DLC1: variants seen among roughly 807,000 people sequenced by gnomAD.
DLC1 encodes the protein DLC1 Rho GTPase activating protein.
In DLC1, 54 loss-of-function variants were observed where a neutral mutation model predicts 140.3. The observed-to-expected ratio is 0.38, with a 90% CI of 0.31 to 0.48. DLC1 has a LOEUF of 0.48. DLC1 is among the 20% of genes least tolerant of loss of function. The pLI, the probability that DLC1 is intolerant of heterozygous loss-of-function variation, is 0.96. For missense variants in DLC1, 2,536 were observed against 1,907.0 expected (o/e 1.33, Z -6.14); for synonymous variants, 986 against 728.1 (o/e 1.35, Z -5.70).
At chr8:13,601,928 A>T (rs1221358912) in intron 1 of DLC1, among the ~76,000 whole-genome samples, 1 of 151,812 alleles carries the variant, frequency 6.6e-6, no homozygotes, top group Non-Finnish European at 1.5e-5. Flanking sequence ...TATTTTTCAG[A>T]ATTAATTCTA....
chr8:13,270,256 C>T (rs370225858), intron 5 of DLC1, among the ~76,000 whole-genome samples: 13 of 152,116 alleles, frequency 8.5e-5, no homozygotes, highest in Non-Finnish European at 1.5e-4. Flanking sequence ...TTGGACATAT[C>T]TAGGTATTGT....
chr8:13,168,128 T>TC (rs1341839335), intron 5 of DLC1, among the ~76,000 whole-genome samples: 1 of 152,224 alleles, frequency 6.6e-6, no homozygotes, highest in African/African-American at 2.4e-5. Flanking sequence ...GTACTTGTTC[T>TC]CCATTTCTTA....
intron 4 of DLC1, among the ~76,000 whole-genome samples, chr8:13,384,051 GGAGTGGTTTGTTCAGGCAAGGTCTTTCAT>G (rs1352415770): frequency 2.0e-5 from 3 of 152,184 alleles, no homozygotes; most frequent in African/African-American, 7.2e-5. Context: ...CAGGAATTCA[GGAGTGGTTTGTTCAGGCAAGGTCTTTCAT>G]GAGGTTGCGT....
At chr8:13,240,844 G>T (rs1471580847) in intron 5 of DLC1, among the ~76,000 whole-genome samples, 1 of 152,184 alleles carries the variant, frequency 6.6e-6, no homozygotes, top group Non-Finnish European at 1.5e-5. Context: ...TGCTCCAAAT[G>T]AGGAAAATAT....
chr8:13,332,227 G>A (rs887715512), intron 4 of DLC1, among the ~76,000 whole-genome samples: 4 of 152,052 alleles, frequency 2.6e-5, no homozygotes, highest in Middle Eastern at 3.2e-3. Context: ...TCCTGCCTTA[G>A]CGAATAAAGC....
intron 5 of DLC1, among the ~76,000 whole-genome samples, chr8:13,221,597 C>G (rs1301177938): frequency 1.3e-5 from 2 of 150,574 alleles, no homozygotes; most frequent in African/African-American, 4.9e-5. Context: ...TCTTGAACCC[C>G]TGACCTCAAG....
chr8:13,453,126 T>A (rs1335148640), intron 2 of DLC1, among the ~76,000 whole-genome samples: 3 of 151,470 alleles, frequency 2.0e-5, no homozygotes, highest in Middle Eastern at 3.2e-3. Flanking sequence ...TCTTCAGCAT[T>A]TTCATCAGGA....
intron 5 of DLC1, among the ~76,000 whole-genome samples, chr8:13,239,528 G>T (rs1829452560): frequency 6.6e-6 from 1 of 152,172 alleles, no homozygotes; most frequent in African/African-American, 2.4e-5. Context: ...ATCTGCGGCT[G>T]TGATCAGCTT....
intron 5 of DLC1, among the ~76,000 whole-genome samples, chr8:13,277,343 T>A (rs1377464166): frequency 6.6e-6 from 1 of 152,168 alleles, no homozygotes; most frequent in East Asian, 1.9e-4. Context: ...AATGGACACC[T>A]GAGTTTTAAA....
At chr8:13,218,767 G>A (rs1281264411) in intron 5 of DLC1, among the ~76,000 whole-genome samples, 3 of 113,288 alleles carry the variant, frequency 2.6e-5, no homozygotes, top group African/African-American at 1.1e-4. Flanking sequence ...TTCTATTCAT[G>A]TTTATATATT....
intron 2 of DLC1, among the ~76,000 whole-genome samples, chr8:13,420,436 A>T (rs1838262810): frequency 1.3e-5 from 2 of 152,124 alleles, no homozygotes; most frequent in African/African-American, 4.8e-5. Context: ...TACATGTGCA[A>T]ACTTGCAGGT....
intron 1 of DLC1, among the ~76,000 whole-genome samples, chr8:13,593,119 C>G (rs555852294): frequency 6.6e-6 from 1 of 152,230 alleles, no homozygotes; most frequent in Admixed American, 6.5e-5. Flanking sequence ...CCTCACCCCA[C>G]CCAATCTATG....
In DLC1 at chr8:13,099,804, C is replaced by T. The variant is rs1266141965; in HGVS notation, c.2533G>A (p.Gly845Ser). ...SVNWRTGSFH[G>S]PGHISLRREN... ...CTCCTGAGGCTGATGTGGCCAGGGC[C>T]GTGGAAGCTTCCCGTCCTCCAGTTC... The change falls in exon 9 of 18, where the codon GGC becomes AGC. Residue 845 changes from glycine (G) to serine (S), a missense_variant. By Grantham distance (56) the Gly-to-Ser change is moderately conservative. Coordinates refer to ENST00000276297, the MANE Select transcript of DLC1 (RefSeq NM_182643.3). 1 of 1,614,128 alleles carries T rather than the reference C, an allele frequency of 6.2e-7. No individual in the cohort carries two copies. Among genetic ancestry groups the T allele is most frequent in the South Asian group, 1.1e-5 (1 of 91,070 alleles).
intron 5 of DLC1, among the ~76,000 whole-genome samples, chr8:13,212,075 A>G (rs1827973524): frequency 6.6e-6 from 1 of 152,208 alleles, no homozygotes; most frequent in Non-Finnish European, 1.5e-5. Flanking sequence ...ATGAACATTG[A>G]CCCAGTTTCA....
intron 4 of DLC1, among the ~76,000 whole-genome samples, chr8:13,321,662 C>T (rs752343852): frequency 1.3e-5 from 2 of 151,484 alleles, no homozygotes; most frequent in East Asian, 1.9e-4. Context: ...TTCTTTTCTG[C>T]AGGAAGTCAC....
At chr8:13,155,551 G>C (rs28741047) in intron 5 of DLC1, among the ~76,000 whole-genome samples, 24,136 of 151,898 alleles carry the variant, frequency 0.16, 2,455 homozygotes, top group African/African-American at 0.27. Context: ...ATAAAATATT[G>C]AGATACATGC....
intron 2 of DLC1, among the ~76,000 whole-genome samples, chr8:13,443,617 C>T (rs1798639729): frequency 7.2e-6 from 1 of 139,480 alleles, no homozygotes; most frequent in African/African-American, 2.8e-5. Context: ...AAGATCGCGC[C>T]ACTGCACTCC....
intron 2 of DLC1, among the ~76,000 whole-genome samples, chr8:13,451,688 C>A (rs1340007771): frequency 1.3e-5 from 2 of 152,124 alleles, no homozygotes. Context: ...TTGAAAATGA[C>A]AGGATCACAT....
At chr8:13,569,753 G>A (rs2117408529) in intron 1 of DLC1, among the ~76,000 whole-genome samples, 1 of 152,230 alleles carries the variant, frequency 6.6e-6, no homozygotes, top group South Asian at 2.1e-4. Context: ...ACAGGGTCTG[G>A]CTCTATCACC....
Sources: gnomAD v4.1 joint callset for allele counts (sites outside exome capture counted in the v4.1 genomes callset) on GRCh38, gnomAD v4.1.1 for gene constraint, MANE v1.5 for transcripts, NCBI Gene and HGNC (gene_info 2026-07-23, HGNC 2026-07-21) for gene names.